The following SCAI variants were observed in gnomAD, a reference collection of about 807,000 sequenced individuals.
SCAI encodes protein SCAI.
SCAI carries 24 observed loss-of-function variants against 92.2 expected under a neutral mutation model. The observed-to-expected ratio is 0.26, with a 90% CI of 0.19 to 0.37. The LOEUF is 0.37. SCAI is among the 10% of genes least tolerant of loss of function. The probability of loss-of-function intolerance (pLI) is 1.00; values close to 1 mark genes in which losing one functional copy is unlikely to be tolerated. For synonymous variants in SCAI, 261 were observed against 258.6 expected (o/e 1.01, Z -0.09); for missense variants, 450 against 736.2 (o/e 0.61, Z 4.50).
chr9:124,992,360 C>T (rs1423800738), intron 14 of SCAI, among the ~76,000 whole-genome samples: 2 of 151,866 alleles, frequency 1.3e-5, no homozygotes, highest in Non-Finnish European at 2.9e-5. Flanking sequence ...GATTTGCCTA[C>T]TCCATATGGG....
rs777277020 is a variant in SCAI, at chr9:124,943,950, C to T, written c.*8857G>A. On this transcript the variant is annotated 3_prime_UTR_variant, in exon 18 of 18. Coordinates refer to ENST00000336505, the MANE Select transcript of SCAI (RefSeq NM_001144877.3). ...CACTATTTATACTGGTGCTACACAACGAAGATAACCTATATGGATAAGTTA... is the reference window on the plus strand; with the variant it reads ...CACTATTTATACTGGTGCTACACAATGAAGATAACCTATATGGATAAGTTA... 6.6e-6 allele frequency: 1 copy of T among 152,170 alleles called. No individual in the cohort carries two copies. Among genetic ancestry groups the T allele is most frequent in the African/African-American group, 2.4e-5 (1 of 41,446 alleles). 9.4% of individuals were successfully genotyped at this position (152,170 alleles called of 1,614,324 possible).
intron 2 of SCAI, among the ~76,000 whole-genome samples, chr9:125,111,037 C>G (rs1322820363): frequency 1.3e-5 from 2 of 152,094 alleles, no homozygotes; most frequent in Non-Finnish European, 2.9e-5. Flanking sequence ...CCTTGGATAA[C>G]CATTTATAAG....
chr9:124,952,282 C>CA lies in SCAI; in HGVS notation c.*524dup, dbSNP rs1481403340. ...AGTATTGAAAGAAATTAAATGATTT[C>CA]AAAAAACTGGCTTGATCATGTTTCA... On this transcript the variant is annotated 3_prime_UTR_variant, in exon 18 of 18. Transcript: ENST00000336505. 1.3e-5 allele frequency: 2 copies of CA among 152,114 alleles called. No homozygotes were observed. Among genetic ancestry groups the CA allele is most frequent in the African/African-American group, 4.8e-5 (2 of 41,432 alleles). 9.4% of individuals were successfully genotyped at this position (152,114 alleles called of 1,614,324 possible).
chr9:125,094,834 T>G (rs1014329276), intron 2 of SCAI, among the ~76,000 whole-genome samples: 7 of 152,302 alleles, frequency 4.6e-5, no homozygotes, highest in African/African-American at 1.7e-4. Flanking sequence ...CCAAATATAA[T>G]GCAAACTTCA....
chr9:125,019,353 T>G, intron 7 of SCAI, 148 bp from the exon 8 acceptor site: 1 of 546,798 alleles, frequency 1.8e-6, no homozygotes, highest in Admixed American at 3.7e-5. Flanking sequence ...AAAACAAAGA[T>G]GAAAACTAAT....
intron 2 of SCAI, among the ~76,000 whole-genome samples, chr9:125,078,713 T>C (rs1834146603): frequency 6.6e-6 from 1 of 151,724 alleles, no homozygotes; most frequent in Non-Finnish European, 1.5e-5. Flanking sequence ...CCTGGGAGTT[T>C]GAGACCAGCC....
In SCAI at chr9:124,948,665, TAAAG is replaced by T. The variant is rs1252809403; in HGVS notation, c.*4138_*4141del. ...TTTACCAACTTCAGAAATATACAGATAAAGAAAGAGAAAATTCCACTGTGCTTCA... is the reference window on the plus strand; with the variant it reads ...TTTACCAACTTCAGAAATATACAGATAAAGAGAAAATTCCACTGTGCTTCA... On this transcript the variant is annotated 3_prime_UTR_variant, in exon 18 of 18. Coordinates refer to ENST00000336505, the MANE Select transcript of SCAI (RefSeq NM_001144877.3). 8.5e-5 allele frequency: 13 copies of T among 152,184 alleles called. No individual in the cohort carries two copies. The highest frequency in any genetic ancestry group is 1.7e-4 in the African/African-American group (7 of 41,444). The allele number at this position is 152,184 out of a possible 1,614,324, so 9.4% of individuals were successfully genotyped here. A position where few individuals can be genotyped will look rare whatever the true frequency, so the allele number is the denominator to read the frequency against.
At chr9:125,084,571 T>G (rs542876672) in intron 2 of SCAI, among the ~76,000 whole-genome samples, 4 of 152,218 alleles carry the variant, frequency 2.6e-5, no homozygotes, top group Admixed American at 6.5e-5. Context: ...CAAAGCTGCT[T>G]CTTCTGACTG....
intron 3 of SCAI, 37 bp downstream of exon 3, chr9:125,055,839 A>G (rs1488612479): frequency 6.4e-7 from 1 of 1,551,184 alleles, no homozygotes; most frequent in Non-Finnish European, 8.7e-7. Context: ...CAAATGCAGA[A>G]CTAAAGAAAA....
At chr9:125,033,463 TAACAACAAC>T (rs201793470) in intron 3 of SCAI, among the ~76,000 whole-genome samples, 4 of 151,740 alleles carry the variant, frequency 2.6e-5, no homozygotes, top group Admixed American at 6.6e-5. Flanking sequence ...AAATAAGGTA[TAACAACAAC>T]AACAACAACA....
At chr9:125,101,475 G>A (rs1333808626) in intron 2 of SCAI, among the ~76,000 whole-genome samples, 1 of 152,144 alleles carries the variant, frequency 6.6e-6, no homozygotes, top group Admixed American at 6.5e-5. Flanking sequence ...ATGACTCCAA[G>A]GCCTTTGATC....
At chr9:125,137,407 G>A (rs563147294) in intron 2 of SCAI, among the ~76,000 whole-genome samples, 3 of 152,240 alleles carry the variant, frequency 2.0e-5, no homozygotes, top group South Asian at 2.1e-4. Flanking sequence ...TGTTCTCTAC[G>A]TGCCAGATGC....
intron 2 of SCAI, among the ~76,000 whole-genome samples, chr9:125,107,651 A>T (rs1051818296): frequency 2.6e-5 from 4 of 152,162 alleles, no homozygotes; most frequent in Non-Finnish European, 5.9e-5. Flanking sequence ...CTGCAGTCCT[A>T]GCTACTCAGG....
Position 125,143,417 on chromosome 9 carries a change from C to A in SCAI, c.21G>T (p.Gln7His). Residue 7 changes from glutamine (Q) to histidine (H), a missense_variant, in exon 1 of 18, where the codon CAG becomes CAT. By Grantham distance (24) the Gln-to-His change is conservative (BLOSUM62 0). This residue lies in a region of SCAI where 70 missense variants were observed against 66.3 expected (regional missense o/e 1.06). Transcript: ENST00000336505. MVRGAR[Q>H]PQQPRSRLAP... Reference sequence around the variant, plus strand: ...CCAGGCGACTCCGCGGCTGCTGGGGCTGCCGGGCTCCTCTGACCATCCGGC... The same window carrying A: ...CCAGGCGACTCCGCGGCTGCTGGGGATGCCGGGCTCCTCTGACCATCCGGC... The A allele has an allele frequency of 7.1e-7, 1 of 1,399,696 alleles. No homozygotes were observed. 86.7% of individuals were successfully genotyped at this position (1,399,696 alleles called of 1,614,324 possible). A position where few individuals can be genotyped will look rare whatever the true frequency, so the allele number is the denominator to read the frequency against.
intron 2 of SCAI, among the ~76,000 whole-genome samples, chr9:125,084,158 C>CTTTTTTTTTTTTTTTTTTTTTTTTT (rs34786493): frequency 1.5e-5 from 1 of 65,116 alleles, no homozygotes; most frequent in African/African-American, 6.6e-5. Flanking sequence ...TTGGCTGCTG[C>CTTTTTTTTTTTTTTTTTTTTTTTTT]TTTTTTTTTT....
chr9:124,991,105 A>G (rs1588136780), intron 14 of SCAI, among the ~76,000 whole-genome samples: 1 of 152,054 alleles, frequency 6.6e-6, no homozygotes, highest in Admixed American at 6.6e-5. Context: ...ACAATCCCAG[A>G]ACTTTGGAAG....
intron 3 of SCAI, among the ~76,000 whole-genome samples, chr9:125,033,875 G>A (rs959459112): frequency 3.3e-5 from 5 of 152,210 alleles, no homozygotes; most frequent in African/African-American, 1.2e-4. Context: ...ATCAGTAGAT[G>A]AGACATTTCA....
At chr9:125,134,892 T>C (rs1588254183) in intron 2 of SCAI, among the ~76,000 whole-genome samples, 1 of 152,108 alleles carries the variant, frequency 6.6e-6, no homozygotes, top group Admixed American at 6.6e-5. Flanking sequence ...GTCAGGCTGG[T>C]CTTGAACTTC....
At chr9:125,100,640 G>C (rs1166364203) in intron 2 of SCAI, among the ~76,000 whole-genome samples, 1 of 152,178 alleles carries the variant, frequency 6.6e-6, no homozygotes, top group East Asian at 1.9e-4. Context: ...GTTACCTCTA[G>C]TAGGGGGAGA....
Sources: allele counts gnomAD v4.1 joint callset (sites outside exome capture counted in the v4.1 genomes callset), GRCh38; gene constraint gnomAD v4.1.1; regional missense constraint gnomAD v4.1.1; transcripts MANE v1.5; gene names NCBI Gene and HGNC (gene_info 2026-07-23, HGNC 2026-07-21).